The following ZNF148 variants were observed in gnomAD, a reference collection of about 807,000 sequenced individuals.
ZNF148 encodes the protein zinc finger protein 148.
ZNF148 carries 7 observed loss-of-function variants against 67.7 expected under a neutral mutation model. The ratio of observed to expected loss-of-function variants is 0.10; its 90% CI spans 0.06 to 0.19. ZNF148 has a LOEUF of 0.19. ZNF148 is among the 10% of genes least tolerant of loss of function. The pLI is 1.00. For missense variants in ZNF148, 583 were observed against 947.1 expected (o/e 0.62, Z 5.05); for synonymous variants, 333 against 330.7 (o/e 1.01, Z -0.08).
intron 7 of ZNF148, among the ~76,000 whole-genome samples, chr3:125,258,341 C>T (rs913713960): frequency 2.0e-4 from 28 of 139,304 alleles, no homozygotes; most frequent in African/African-American, 7.3e-4. Flanking sequence ...AGGAGAATGG[C>T]GTGAACCCGG....
intron 4 of ZNF148, among the ~76,000 whole-genome samples, chr3:125,308,376 AG>A (rs1560159112): frequency 6.6e-6 from 1 of 152,176 alleles, no homozygotes; most frequent in Non-Finnish European, 1.5e-5. Context: ...TGAAAACTAC[AG>A]AACAATGCTG....
chr3:125,275,620 T>C (rs752148949), intron 7 of ZNF148, among the ~76,000 whole-genome samples: 2 of 152,232 alleles, frequency 1.3e-5, no homozygotes, highest in Non-Finnish European at 2.9e-5. Flanking sequence ...TCAAGATTAA[T>C]GTGAGGACTA....
chr3:125,248,688 T>G (rs556659907), intron 7 of ZNF148, among the ~76,000 whole-genome samples: 115 of 152,350 alleles, frequency 7.5e-4, no homozygotes, highest in African/African-American at 2.5e-3. Flanking sequence ...TACACTTTAA[T>G]TTCATATACA....
intron 5 of ZNF148, among the ~76,000 whole-genome samples, chr3:125,285,248 T>C (rs1379275801): frequency 2.0e-5 from 3 of 152,160 alleles, no homozygotes; most frequent in Non-Finnish European, 2.9e-5. Flanking sequence ...AAAATTGTTT[T>C]TAAGGAATTT....
intron 5 of ZNF148, among the ~76,000 whole-genome samples, chr3:125,281,031 A>G (rs550337526): frequency 4.5e-4 from 68 of 152,332 alleles, no homozygotes; most frequent in African/African-American, 1.6e-3. Context: ...TTTAATCCTT[A>G]AAACATTTTT....
At chr3:125,371,524 T>C (rs1942884412) in intron 1 of ZNF148, among the ~76,000 whole-genome samples, 3 of 150,666 alleles carry the variant, frequency 2.0e-5, no homozygotes, top group African/African-American at 7.3e-5. Flanking sequence ...CCAGGTGTGG[T>C]AGCGGGCACC....
chr3:125,313,335 T>C lies in ZNF148; in HGVS notation c.306A>G (p.Gln102=). 1 of 1,613,714 alleles carries C rather than the reference T, an allele frequency of 6.2e-7. No homozygotes were observed. The highest frequency in any genetic ancestry group is 8.5e-7 in the Non-Finnish European group (1 of 1,179,696). ...EQMETHERLP[Q]GLQYALNVPI... Reference sequence around the variant, plus strand: ...GGACATTAAGTGCATACTGTAGTCCTTGAGGAAGTCTTTCATGTGTTTCCA... The same window carrying C: ...GGACATTAAGTGCATACTGTAGTCCCTGAGGAAGTCTTTCATGTGTTTCCA... Residue 102 remains glutamine, a synonymous_variant, in exon 4 of 9, where the codon CAA becomes CAG. Coordinates refer to ENST00000360647, the MANE Select transcript of ZNF148 (RefSeq NM_021964.3).
At chr3:125,333,126 G>C (rs748888579) in intron 1 of ZNF148, among the ~76,000 whole-genome samples, 2 of 152,040 alleles carry the variant, frequency 1.3e-5, no homozygotes, top group African/African-American at 2.4e-5. Context: ...TCTATAGACT[G>C]GACAAATGTT....
chr3:125,237,580 T>C (rs1241376965), intron 7 of ZNF148, among the ~76,000 whole-genome samples: 2 of 151,792 alleles, frequency 1.3e-5, no homozygotes, highest in Non-Finnish European at 2.9e-5. Flanking sequence ...AGACCCCATC[T>C]CAAAAAAAAT....
chr3:125,281,992 G>A (rs1401553058), intron 5 of ZNF148, among the ~76,000 whole-genome samples: 1 of 152,080 alleles, frequency 6.6e-6, no homozygotes, highest in Non-Finnish European at 1.5e-5. Flanking sequence ...GGAGCATAGT[G>A]GAGACTCTAT....
In ZNF148 at chr3:125,257,558, T is replaced by TAAAAA. The variant is rs747363908; in HGVS notation, c.667+20163_667+20167dup. ...CGACAGAGCGAGACTCCGTCTCTAT[T>TAAAAA]AAAAAAAAAAAAAAAAAAAAAAAGT... On this transcript the variant is annotated intron_variant, in intron 7 of 8. Coordinates refer to ENST00000360647, the MANE Select transcript of ZNF148 (RefSeq NM_021964.3). 1.9e-3 allele frequency among the ~76,000 whole-genome samples: 173 copies of TAAAAA among 92,308 alleles called. 2 individuals carry two copies. Among genetic ancestry groups the TAAAAA allele is most frequent in the African/African-American group, 7.6e-3 (165 of 21,698 alleles). The allele number at this position is 92,308 out of a possible 152,430, so 60.6% of individuals were successfully genotyped here. A position where few individuals can be genotyped will look rare whatever the true frequency, so the allele number is the denominator to read the frequency against.
intron 7 of ZNF148, among the ~76,000 whole-genome samples, chr3:125,241,932 T>C (rs1007709697): frequency 6.6e-6 from 1 of 152,220 alleles, no homozygotes. Context: ...TTCTGATGAC[T>C]ACATATCTAA....
chr3:125,245,757 T>C (rs1267212963), intron 7 of ZNF148, among the ~76,000 whole-genome samples: 1 of 152,248 alleles, frequency 6.6e-6, no homozygotes, highest in Non-Finnish European at 1.5e-5. Flanking sequence ...TGGTCTAGCC[T>C]ATCACATAAT....
At chr3:125,317,861 CAG>C (rs1327924431) in intron 3 of ZNF148, among the ~76,000 whole-genome samples, 1 of 151,692 alleles carries the variant, frequency 6.6e-6, no homozygotes. Context: ...GGCAAGCTAA[CAG>C]GGTATGAGTA....
In ZNF148 at chr3:125,227,740, T is replaced by C. The variant is rs1424042908; in HGVS notation, c.*4601A>G. 6.6e-6 allele frequency: 1 copy of C among 152,592 alleles called. No individual in the cohort carries two copies. Among genetic ancestry groups the C allele is most frequent in the East Asian group, 1.9e-4 (1 of 5,192 alleles). 9.5% of individuals were successfully genotyped at this position (152,592 alleles called of 1,614,324 possible). A position where few individuals can be genotyped will look rare whatever the true frequency, so the allele number is the denominator to read the frequency against. On this transcript the variant is annotated 3_prime_UTR_variant, in exon 9 of 9. Coordinates refer to ENST00000360647, the MANE Select transcript of ZNF148 (RefSeq NM_021964.3). ...TGCTTTGCTACAATAATAAAAAGCA[T>C]ACATTACATATAAAAGATACCAGTG... is the stretch of plus-strand genomic sequence containing the variant.
chr3:125,347,344 T>G (rs1345872524), intron 1 of ZNF148, among the ~76,000 whole-genome samples: 4 of 152,120 alleles, frequency 2.6e-5, no homozygotes, highest in African/African-American at 9.7e-5. Context: ...AATGCTAAAA[T>G]TCATATGGAA....
rs1294016509 is a variant in ZNF148, at chr3:125,285,565, A to AC, written c.459+2537_459+2538insG. ...GTTTGTTCTTTATTTAAAAAAAAAA[A>AC]AAAACAAAACCAGAGACAGGGTTCC... is the stretch of plus-strand genomic sequence containing the variant. On this transcript the variant is annotated intron_variant, in intron 5 of 8. Coordinates refer to ENST00000360647, the MANE Select transcript of ZNF148 (RefSeq NM_021964.3). 5.4e-3 allele frequency among the ~76,000 whole-genome samples: 823 copies of AC among 151,568 alleles called. 6 individuals carry two copies. The highest frequency in any genetic ancestry group is 0.014 in the African/African-American group (569 of 41,380).
chr3:125,249,685 C>T (rs985329016), intron 7 of ZNF148, among the ~76,000 whole-genome samples: 4 of 152,124 alleles, frequency 2.6e-5, no homozygotes, highest in Non-Finnish European at 5.9e-5. Context: ...GGCTATATAT[C>T]CAAAGGAACT....
intron 1 of ZNF148, among the ~76,000 whole-genome samples, chr3:125,360,100 T>C (rs567981554): frequency 2.0e-5 from 3 of 152,174 alleles, no homozygotes; most frequent in Non-Finnish European, 4.4e-5. Context: ...CCTTTCCATA[T>C]GTTCTCTCCA....
Sources: gnomAD v4.1 joint callset for allele counts (sites outside exome capture counted in the v4.1 genomes callset) on GRCh38, gnomAD v4.1.1 for gene constraint, MANE v1.5 for transcripts, NCBI Gene and HGNC (gene_info 2026-07-23, HGNC 2026-07-21) for gene names.